The following ADRA2A variants were observed in gnomAD, a reference collection of about 807,000 sequenced individuals.
The protein encoded by ADRA2A is adrenoceptor alpha 2A.
Under a neutral mutation model 5.9 loss-of-function variants are expected in ADRA2A, and 6 were observed. That is an observed-to-expected ratio of 1.01 (90% CI 0.55 to 2.00). The LOEUF (loss-of-function observed/expected upper bound fraction) is 2.00. Among genes scored for constraint, ADRA2A ranks in the 30% most tolerant of loss-of-function variants. The pLI, the probability that ADRA2A is intolerant of heterozygous loss-of-function variation, is 0.00. For missense variants in ADRA2A, 647 were observed against 690.0 expected, an observed-to-expected ratio of 0.94 and a Z score of 0.70; for synonymous variants, 345 against 325.9, an observed-to-expected ratio of 1.06 and a Z score of -0.63.
In ADRA2A at chr10:111,079,678, T is replaced by G. The variant is rs1482834400; in HGVS notation, c.*284T>G. The G allele has an allele frequency of 1.9e-6, 1 of 531,612 alleles. No individual in the cohort carries two copies. Among genetic ancestry groups the G allele is most frequent in the Non-Finnish European group, 3.5e-6 (1 of 287,896 alleles). The allele number at this position is 531,612 out of a possible 1,614,324, so 32.9% of individuals were successfully genotyped here. On this transcript the variant is annotated 3_prime_UTR_variant, in exon 1 of 1. Coordinates refer to ENST00000280155, the MANE Select transcript of ADRA2A (RefSeq NM_000681.4). ...TCACTATTGCTTCCTAAAGGTATTT[T>G]CACCCTCTTCGCCTGGTACAGCCCT... is the stretch of plus-strand genomic sequence containing the variant.
chr10:111,079,872 A>C lies in ADRA2A; in HGVS notation c.*478A>C, dbSNP rs1243358882. 5.6e-6 allele frequency: 1 copy of C among 177,410 alleles called. No homozygotes were observed. Among genetic ancestry groups the C allele is most frequent in the Non-Finnish European group, 1.3e-5 (1 of 74,646 alleles). 11.0% of individuals were successfully genotyped at this position (177,410 alleles called of 1,614,324 possible). A position where few individuals can be genotyped will look rare whatever the true frequency, so the allele number is the denominator to read the frequency against. ...CCTGCCCTCCCCATCCCCCGCTGTA[A>C]ATATACACTATTTTTGATAGCACAC... On this transcript the variant is annotated 3_prime_UTR_variant, in exon 1 of 1. Transcript: ENST00000280155.
In ADRA2A at chr10:111,079,645, A is replaced by G; in HGVS notation, c.*251A>G. 1 of 596,336 alleles carries G rather than the reference A, an allele frequency of 1.7e-6. No homozygotes were observed. The allele number at this position is 596,336 out of a possible 1,614,324, so 36.9% of individuals were successfully genotyped here. A position where few individuals can be genotyped will look rare whatever the true frequency, so the allele number is the denominator to read the frequency against. On this transcript the variant is annotated 3_prime_UTR_variant, in exon 1 of 1. Transcript: ENST00000280155. Reference sequence around the variant, plus strand: ...CCTGGAGCCATCTTCCTAGTGGGCCACCCCTAATCACTATTGCTTCCTAAA... The same window carrying G: ...CCTGGAGCCATCTTCCTAGTGGGCCGCCCCTAATCACTATTGCTTCCTAAA...
Position 111,079,334 on chromosome 10 carries a change from C to T in ADRA2A, c.1338C>T (p.His446=). The T allele has an allele frequency of 1.9e-6, 3 of 1,614,130 alleles. No homozygotes were observed. The East Asian group carries it at 6.7e-5, about 36-fold the overall frequency. The change falls in exon 1 of 1, where the codon CAC becomes CAT. Residue 446 remains histidine (H), a synonymous_variant. Coordinates refer to ENST00000280155, the MANE Select transcript of ADRA2A (RefSeq NM_000681.4). ...CGGTCATCTACACCATCTTCAACCA[C>T]GATTTCCGCCGCGCCTTCAAGAAGA... ...LNPVIYTIFN[H]DFRRAFKKIL...
In ADRA2A at chr10:111,079,160, G is replaced by C; in HGVS notation, c.1164G>C (p.Thr388=). The change falls in exon 1 of 1, where the codon ACG becomes ACC. Residue 388 remains threonine (T), a synonymous_variant. Coordinates refer to ENST00000280155, the MANE Select transcript of ADRA2A (RefSeq NM_000681.4). ...GGCAGAACCGCGAGAAGCGCTTCAC[G>C]TTCGTGCTGGCCGTGGTCATCGGAG... The part of the protein sequence containing the change: ...RGRQNREKRF[T]FVLAVVIGVF... The C allele has an allele frequency of 6.2e-7, 1 of 1,612,736 alleles. No individual in the cohort carries two copies. The highest frequency in any genetic ancestry group is 8.5e-7 in the Non-Finnish European group (1 of 1,179,360).
In ADRA2A at chr10:111,078,789, C is replaced by T. The variant is rs1316856892; in HGVS notation, c.793C>T (p.Pro265Ser). The change falls in exon 1 of 1, where the codon CCC becomes TCC. Residue 265 changes from proline to serine, a missense_variant. Physicochemically the swap from Pro to Ser is moderately conservative, Grantham distance 74. Coordinates refer to ENST00000280155, the MANE Select transcript of ADRA2A (RefSeq NM_000681.4). ...AAPPGGTERR[P>S]NGLGPERSAG... ...GCCGCCGGGGGGCACCGAGCGCAGG[C>T]CCAACGGTCTGGGCCCCGAGCGCAG... 3.6e-6 allele frequency: 5 copies of T among 1,388,042 alleles called. No homozygotes were observed. Among genetic ancestry groups the T allele is most frequent in the Non-Finnish European group, 4.6e-6 (5 of 1,075,752 alleles). The allele number at this position is 1,388,042 out of a possible 1,614,324, so 86.0% of individuals were successfully genotyped here.
rs750581149 is a variant in ADRA2A, at chr10:111,079,370, G to C, written c.1374G>C (p.Arg458=). Residue 458 remains arginine, a synonymous_variant, in exon 1 of 1, where the codon CGG becomes CGC. Coordinates refer to ENST00000280155, the MANE Select transcript of ADRA2A (RefSeq NM_000681.4). ...GCGCCTTCAAGAAGATCCTCTGTCGGGGGGACAGGAAGCGGATCGTGTGAG... is the reference window on the plus strand; with the variant it reads ...GCGCCTTCAAGAAGATCCTCTGTCGCGGGGACAGGAAGCGGATCGTGTGAG... ...FRRAFKKILC[R]GDRKRIV is the part of the protein sequence containing the mutation. The C allele has an allele frequency of 3.7e-6, 6 of 1,613,902 alleles. No individual in the cohort carries two copies. In the Admixed American group the frequency reaches 6.7e-5, roughly 18 times the overall value.
rs1432453981 is a variant in ADRA2A at position 111,080,571 on chromosome 10, C to G, written c.*1177C>G. ...AGGTATCAAAATGTTGTCCTTTCCCCCCTCCGTGCTTTTCTGGTTGAGATC... is the reference window on the plus strand; with the variant it reads ...AGGTATCAAAATGTTGTCCTTTCCCGCCTCCGTGCTTTTCTGGTTGAGATC... On this transcript the variant is annotated 3_prime_UTR_variant, in exon 1 of 1. Coordinates refer to ENST00000280155, the MANE Select transcript of ADRA2A (RefSeq NM_000681.4). The G allele has an allele frequency of 6.0e-6, 1 of 167,064 alleles. No homozygotes were observed. Among genetic ancestry groups the G allele is most frequent in the Non-Finnish European group, 1.5e-5 (1 of 68,120 alleles). 10.3% of individuals were successfully genotyped at this position (167,064 alleles called of 1,614,324 possible).
Position 111,079,701 on chromosome 10 carries a change from C to T in ADRA2A, c.*307C>T. On this transcript the variant is annotated 3_prime_UTR_variant, in exon 1 of 1. Coordinates refer to ENST00000280155, the MANE Select transcript of ADRA2A (RefSeq NM_000681.4). ...TTTCACCCTCTTCGCCTGGTACAGC[C>T]CTCACAGCTCTTCAGAGCAAGCACT... 1 of 451,224 alleles carries T rather than the reference C, an allele frequency of 2.2e-6. No homozygotes were observed. The highest frequency in any genetic ancestry group is 3.3e-5 in the South Asian group (1 of 29,912). 28.0% of individuals were successfully genotyped at this position (451,224 alleles called of 1,614,324 possible).
rs368724417 is a variant in ADRA2A, at chr10:111,080,732, C to G, written c.*1338C>G. On this transcript the variant is annotated 3_prime_UTR_variant, in exon 1 of 1. Transcript: ENST00000280155. ...CACTAAAGAAAAACTAATGTCAGCA[C>G]ATGTTGCTAATGACAGTGGATTTTT... 25 of 166,882 alleles carry G rather than the reference C, an allele frequency of 1.5e-4. No homozygotes were observed. The East Asian group carries it at 4.7e-3, about 31-fold the overall frequency. 10.3% of individuals were successfully genotyped at this position (166,882 alleles called of 1,614,324 possible).
rs116584564 is a variant in ADRA2A at position 111,080,520 on chromosome 10, G to T, written c.*1126G>T. Reference sequence around the variant, plus strand: ...AAAAGACAAATGGGCCTGCCAAACTGTACAGTTTCTTCCCCAAGAGCTGTT... The same window carrying T: ...AAAAGACAAATGGGCCTGCCAAACTTTACAGTTTCTTCCCCAAGAGCTGTT... On this transcript the variant is annotated 3_prime_UTR_variant, in exon 1 of 1. Transcript: ENST00000280155. The T allele has an allele frequency of 6.0e-6, 1 of 166,954 alleles. No homozygotes were observed. The highest frequency in any genetic ancestry group is 1.5e-5 in the Non-Finnish European group (1 of 68,108). 10.3% of individuals were successfully genotyped at this position (166,954 alleles called of 1,614,324 possible). A position where few individuals can be genotyped will look rare whatever the true frequency, so the allele number is the denominator to read the frequency against.
Position 111,079,282 on chromosome 10 carries a change from T to A in ADRA2A, c.1286T>A (p.Phe429Tyr). The A allele has an allele frequency of 6.2e-7, 1 of 1,614,150 alleles. No individual in the cohort carries two copies. Among genetic ancestry groups the A allele is most frequent in the Non-Finnish European group, 8.5e-7 (1 of 1,180,032 alleles). The change falls in exon 1 of 1, where the codon TTC becomes TAC. Residue 429 changes from phenylalanine (F) to tyrosine (Y), a missense_variant. Physicochemically the swap from Phe to Tyr is conservative, Grantham distance 22 (BLOSUM62 3). Transcript: ENST00000280155. ...ACGCTCTTCAAATTCTTCTTCTGGT[T>A]CGGCTACTGCAACAGCTCGTTGAAC... ...PRTLFKFFFW[F>Y]GYCNSSLNPV...
chr10:111,078,096 CCGGG>C lies in ADRA2A; in HGVS notation c.101_104del (p.Pro34ArgfsTer13), dbSNP rs1256053425. The C allele has an allele frequency of 8.9e-6, 14 of 1,566,852 alleles. No individual in the cohort carries two copies. The African/African-American group carries it at 1.9e-4, about 21-fold the overall frequency. ...CGCGAGCTGGAACGGGACCGAGGCG[CCGGG>C]GGGCGGCGCCCGGGCCACCCCTTAC... is the stretch of plus-strand genomic sequence containing the variant. On this transcript the variant is annotated frameshift_variant, in exon 1 of 1. Transcript: ENST00000280155. LOFTEE classifies it low-confidence loss of function (END_TRUNC).
chr10:111,079,120 C>G lies in ADRA2A; in HGVS notation c.1124C>G (p.Ser375Trp). The G allele has an allele frequency of 6.3e-7, 1 of 1,589,240 alleles. No homozygotes were observed. Among genetic ancestry groups the G allele is most frequent in the Non-Finnish European group, 8.6e-7 (1 of 1,167,806 alleles). Residue 375 changes from serine to tryptophan, a missense_variant, in exon 1 of 1, where the codon TCG (serine) becomes TGG (tryptophan). Physicochemically the swap from Ser to Trp is radical, Grantham distance 177. This residue lies in a region of ADRA2A where 577 missense variants were observed against 605.4 expected (regional missense o/e 0.95). Transcript: ENST00000280155. Reference sequence around the variant, plus strand: ...GAGCGCGTCGGGGCTGCCAAGGCGTCGCGCTGGCGCGGGCGGCAGAACCGC... The same window carrying G: ...GAGCGCGTCGGGGCTGCCAAGGCGTGGCGCTGGCGCGGGCGGCAGAACCGC... Reference protein sequence around the residue: ...GEERVGAAKASRWRGRQNREK... With the variant: ...GEERVGAAKAWRWRGRQNREK...
chr10:111,078,583 C>A lies in ADRA2A; in HGVS notation c.587C>A (p.Pro196Gln), dbSNP rs754805284. ...SIEKKGGGGG[P>Q]QPAEPRCEIN... The stretch of plus-strand genomic sequence containing the variant: ...GAGAAGAAGGGCGGCGGCGGCGGCC[C>A]GCAGCCGGCCGAGCCGCGCTGCGAG... The change falls in exon 1 of 1, where the codon CCG becomes CAG. Residue 196 changes from proline to glutamine, a missense_variant. Coordinates refer to ENST00000280155, the MANE Select transcript of ADRA2A (RefSeq NM_000681.4). 1 of 1,595,540 alleles carries A rather than the reference C, an allele frequency of 6.3e-7. No individual in the cohort carries two copies. The highest frequency in any genetic ancestry group is 1.8e-5 in the Admixed American group (1 of 57,014).
At position 111,077,925 on chromosome 10, in the gene ADRA2A, A is replaced by T. The variant is rs1365354933; in HGVS notation, c.-72A>T. The T allele has an allele frequency of 1.4e-5, 18 of 1,322,708 alleles. No homozygotes were observed. Among genetic ancestry groups the T allele is most frequent in the Middle Eastern group, 2.8e-4 (1 of 3,584 alleles). 81.9% of individuals were successfully genotyped at this position (1,322,708 alleles called of 1,614,324 possible). A position where few individuals can be genotyped will look rare whatever the true frequency, so the allele number is the denominator to read the frequency against. Reference sequence around the variant, plus strand: ...AGCCAGGCGAGCGGGGCGCCGGAGGAAGAGGAGGACCCACGGGCGCCGGGC... The same window carrying T: ...AGCCAGGCGAGCGGGGCGCCGGAGGTAGAGGAGGACCCACGGGCGCCGGGC... On this transcript the variant is annotated 5_prime_UTR_variant, in exon 1 of 1. Coordinates refer to ENST00000280155, the MANE Select transcript of ADRA2A (RefSeq NM_000681.4).
At position 111,078,515 on chromosome 10, in the gene ADRA2A, G is replaced by A; in HGVS notation, c.519G>A (p.Trp173Ter). The change falls in exon 1 of 1, where the codon TGG becomes TGA. Residue 173 changes from tryptophan to a stop codon, truncating the protein, a stop_gained. Transcript: ENST00000280155. LOFTEE classifies it low-confidence loss of function (END_TRUNC). ...RRIKAIIITVWVISAVISFPP... is the reference protein window; with the variant it reads ...RRIKAIIITV ...TCAAGGCCATCATCATCACCGTGTG[G>A]GTCATCTCGGCCGTCATCTCCTTCC... 6.2e-7 allele frequency: 1 copy of A among 1,611,246 alleles called. No individual in the cohort carries two copies. The highest frequency in any genetic ancestry group is 8.5e-7 in the Non-Finnish European group (1 of 1,178,372).
chr10:111,078,320 C>G lies in ADRA2A; in HGVS notation c.324C>G (p.Asn108Lys). The G allele has an allele frequency of 6.2e-7, 1 of 1,614,058 alleles. No homozygotes were observed. The highest frequency in any genetic ancestry group is 8.5e-7 in the Non-Finnish European group (1 of 1,180,022). The stretch of plus-strand genomic sequence containing the variant: ...TCGTCATCCCTTTCTCGCTGGCCAA[C>G]GAGGTCATGGGCTACTGGTACTTCG... ...ATLVIPFSLA[N>K]EVMGYWYFGK... The change falls in exon 1 of 1, where the codon AAC (asparagine) becomes AAG (lysine). Residue 108 changes from asparagine (N) to lysine (K), a missense_variant. Transcript: ENST00000280155.
At position 111,079,718 on chromosome 10, in the gene ADRA2A, G is replaced by A. The variant is rs1843575437; in HGVS notation, c.*324G>A. ...GGTACAGCCCTCACAGCTCTTCAGAGCAAGCACTGGACTACAAGGGCATGG... is the reference window on the plus strand; with the variant it reads ...GGTACAGCCCTCACAGCTCTTCAGAACAAGCACTGGACTACAAGGGCATGG... On this transcript the variant is annotated 3_prime_UTR_variant, in exon 1 of 1. Transcript: ENST00000280155. 2.5e-6 allele frequency: 1 copy of A among 397,648 alleles called. No homozygotes were observed. The highest frequency in any genetic ancestry group is 4.8e-6 in the Non-Finnish European group (1 of 210,196). The allele number at this position is 397,648 out of a possible 1,614,324, so 24.6% of individuals were successfully genotyped here.
chr10:111,078,881 C>G lies in ADRA2A; in HGVS notation c.885C>G (p.Pro295=). Residue 295 remains proline (P), a synonymous_variant, in exon 1 of 1, where the codon CCC becomes CCG. Transcript: ENST00000280155. ...AGCTCAACGGCGCCCCTGGCGAGCC[C>G]GCGCCGGCCGGGCCGCGCGACACCG... is the stretch of plus-strand genomic sequence containing the variant. The part of the protein sequence containing the change: ...PTQLNGAPGE[P]APAGPRDTDA... 1 of 1,201,972 alleles carries G rather than the reference C, an allele frequency of 8.3e-7. No homozygotes were observed. The highest frequency in any genetic ancestry group is 1.0e-6 in the Non-Finnish European group (1 of 970,776). The allele number at this position is 1,201,972 out of a possible 1,614,324, so 74.5% of individuals were successfully genotyped here.
Sources: gnomAD v4.1 joint callset for allele counts on GRCh38, gnomAD v4.1.1 for gene constraint, gnomAD v4.1.1 regional missense constraint, MANE v1.5 for transcripts, NCBI Gene and HGNC (gene_info 2026-07-23, HGNC 2026-07-21) for gene names.